Variants in CRB1 observed in about 807,000 individuals in gnomAD.
CRB1 encodes protein crumbs homolog 1.
In CRB1, 83 loss-of-function variants were observed where a neutral mutation model predicts 120.0. That is an observed-to-expected ratio of 0.69 (90% CI 0.58 to 0.83). The LOEUF (loss-of-function observed/expected upper bound fraction) is 0.83, where lower values mean the gene tolerates loss of function less well. Among genes scored for constraint, CRB1 ranks in the 40% least tolerant of loss-of-function variants. The pLI is 0.00. For missense variants in CRB1, 1,699 were observed against 1,687.6 expected, an observed-to-expected ratio of 1.01 and a Z score of -0.12; for synonymous variants, 625 against 612.5, an observed-to-expected ratio of 1.02 and a Z score of -0.30.
chr1:197,418,875 C>T (rs576744329), intron 5 of CRB1, among the ~76,000 whole-genome samples: 7 of 152,186 alleles, frequency 4.6e-5, no homozygotes, highest in East Asian at 3.9e-4. Flanking sequence ...ATATGCTGTC[C>T]AAGTAAATTT....
chr1:197,404,441 CAAAAAAAAAAAAAAAAAA>C (rs558125777), intron 5 of CRB1, among the ~76,000 whole-genome samples: 2 of 58,718 alleles, frequency 3.4e-5, no homozygotes, highest in Non-Finnish European at 6.6e-5. Context: ...GACTCCGTCT[CAAAAAAAAAAAAAAAAAA>C]AAAAAAAAAA....
At chr1:197,461,460 G>A (rs1025702929) in intron 11 of CRB1, among the ~76,000 whole-genome samples, 20 of 152,110 alleles carry the variant, frequency 1.3e-4, no homozygotes, top group Non-Finnish European at 2.2e-4. Context: ...GAGCCATGAA[G>A]GTGATGCACA....
At chr1:197,403,644 T>G (rs1455545782) in intron 5 of CRB1, among the ~76,000 whole-genome samples, 1 of 152,160 alleles carries the variant, frequency 6.6e-6, no homozygotes, top group South Asian at 2.1e-4. Flanking sequence ...TTTCTTGGAC[T>G]TTCTCCTTAT....
intron 8 of CRB1, among the ~76,000 whole-genome samples, chr1:197,431,121 G>A (rs1472433923): frequency 6.6e-6 from 1 of 151,970 alleles, no homozygotes; most frequent in Non-Finnish European, 1.5e-5. Context: ...ATAATGGAAT[G>A]GAACTAGAGG....
At chr1:197,305,775 T>C (rs1389977694) in intron 1 of CRB1, among the ~76,000 whole-genome samples, 12 of 151,902 alleles carry the variant, frequency 7.9e-5, no homozygotes. Flanking sequence ...TTGTGAATAT[T>C]TTCCCAAATT....
intron 5 of CRB1, among the ~76,000 whole-genome samples, chr1:197,416,686 T>C (rs957492571): frequency 6.6e-6 from 1 of 152,118 alleles, no homozygotes; most frequent in Non-Finnish European, 1.5e-5. Context: ...GAAAGGTTTA[T>C]ACTTTTTTAT....
intron 5 of CRB1, among the ~76,000 whole-genome samples, chr1:197,407,084 A>T (rs2125444650): frequency 6.6e-6 from 1 of 152,340 alleles, no homozygotes; most frequent in Middle Eastern, 3.4e-3. Flanking sequence ...TTAAGAAGCT[A>T]AGTCAGCCTA....
In CRB1 at chr1:197,427,996, T is replaced by G. The variant is rs62635658; in HGVS notation, c.2671T>G (p.Cys891Gly). The change falls in exon 7 of 12, where the codon TGC becomes GGC. Residue 891 changes from cysteine (C) to glycine (G), a missense_variant. Transcript: ENST00000367400. ...VTQGCAGDNS[C>G]KSNPCHNGGV... ...CCAAGGCTGTGCTGGAGACAACAGC[T>G]GCAAGGTAATGATTACTCATACAAA... The G allele has an allele frequency of 6.2e-7, 1 of 1,613,218 alleles. No individual in the cohort carries two copies. Among genetic ancestry groups the G allele is most frequent in the Non-Finnish European group, 8.5e-7 (1 of 1,179,536 alleles).
intron 1 of CRB1, among the ~76,000 whole-genome samples, chr1:197,283,356 C>T (rs1442345511): frequency 6.6e-6 from 1 of 151,590 alleles, no homozygotes; most frequent in Non-Finnish European, 1.5e-5. Context: ...GCAGTATACA[C>T]TGAACCCAAT....
Position 197,477,652 on chromosome 1 carries a change from C to CA in CRB1, c.4006-10dup, listed in dbSNP as rs778530136. On this transcript the variant is annotated splice_polypyrimidine_tract_variant and intron_variant, in intron 11 of 11. Coordinates refer to ENST00000367400, the MANE Select transcript of CRB1 (RefSeq NM_201253.3). ...TATAGAATTCGCATCCCAATGATTT[C>CA]AATCTTTCCAGTTGGCAGATGACTT... is the stretch of plus-strand genomic sequence containing the variant. 1 of 1,612,512 alleles carries CA rather than the reference C, an allele frequency of 6.2e-7. No homozygotes were observed. The highest frequency in any genetic ancestry group is 1.1e-5 in the South Asian group (1 of 91,040).
At chr1:197,415,880 G>C (rs1186327163) in intron 5 of CRB1, among the ~76,000 whole-genome samples, 1 of 151,966 alleles carries the variant, frequency 6.6e-6, no homozygotes, top group Non-Finnish European at 1.5e-5. Flanking sequence ...CTGATCTCGT[G>C]ATCCGCCCAC....
chr1:197,466,219 G>A lies in CRB1; in HGVS notation c.4006-11445G>A, dbSNP rs181655645. Among the ~76,000 whole-genome samples, 713 of 152,288 alleles carry A rather than the reference G, an allele frequency of 4.7e-3. 9 individuals carry two copies. Among genetic ancestry groups the A allele is most frequent in the African/African-American group, 0.016 (663 of 41,548 alleles). On this transcript the variant is annotated intron_variant, in intron 11 of 11. Coordinates refer to ENST00000367400, the MANE Select transcript of CRB1 (RefSeq NM_201253.3). ...CAACACTTATGCAGGTTGAAGGGAC[G>A]ATGCATTGGCTCTGCTCTGAGGCAG...
intron 5 of CRB1, among the ~76,000 whole-genome samples, chr1:197,392,014 G>A (rs1181010187): frequency 6.6e-6 from 1 of 151,976 alleles, no homozygotes; most frequent in Non-Finnish European, 1.5e-5. Context: ...GAAACTATGA[G>A]AAATTAGGAA....
chr1:197,324,111 C>T (rs963626833), intron 1 of CRB1, among the ~76,000 whole-genome samples: 1 of 152,050 alleles, frequency 6.6e-6, no homozygotes, highest in Non-Finnish European at 1.5e-5. Flanking sequence ...TGGCCAAAAC[C>T]AATCTTCTTA....
upstream of CRB1, among the ~76,000 whole-genome samples, chr1:197,267,015 G>C (rs1253331709): frequency 3.3e-5 from 5 of 152,118 alleles, no homozygotes. Flanking sequence ...AAGATGAAAA[G>C]AGACTTCACA....
chr1:197,465,313 G>A (rs535790540), intron 11 of CRB1, among the ~76,000 whole-genome samples: 10 of 152,108 alleles, frequency 6.6e-5, no homozygotes, highest in African/African-American at 2.2e-4. Flanking sequence ...TGAAAACCTA[G>A]CCTTTGCTTC....
intron 5 of CRB1, among the ~76,000 whole-genome samples, chr1:197,393,005 A>G (rs1662587351): frequency 6.6e-6 from 1 of 152,210 alleles, no homozygotes; most frequent in South Asian, 2.1e-4. Flanking sequence ...TGTTGTATGA[A>G]TGCATATACT....
intron 4 of CRB1, among the ~76,000 whole-genome samples, chr1:197,352,260 AAGC>A (rs1263301658): frequency 6.6e-6 from 1 of 152,218 alleles, no homozygotes; most frequent in Non-Finnish European, 1.5e-5. Flanking sequence ...TGGTTAAAGA[AAGC>A]AGCAAATAAA....
chr1:197,346,725 T>G (rs1659798178), intron 3 of CRB1, among the ~76,000 whole-genome samples: 1 of 152,218 alleles, frequency 6.6e-6, no homozygotes, highest in African/African-American at 2.4e-5. Flanking sequence ...ATTTGTATTT[T>G]GGGGCTATTT....
Sources: gnomAD v4.1 joint callset for allele counts (sites outside exome capture counted in the v4.1 genomes callset) on GRCh38, gnomAD v4.1.1 for gene constraint, MANE v1.5 for transcripts, NCBI Gene and HGNC (gene_info 2026-07-23, HGNC 2026-07-21) for gene names.